ZPBP: variants seen among roughly 807,000 people sequenced by gnomAD.
The protein encoded by ZPBP is zona pellucida binding protein, also known as zona pellucida-binding protein 1.
ZPBP carries 26 observed loss-of-function variants against 44.8 expected under a neutral mutation model. The ratio of observed to expected loss-of-function variants is 0.58; its 90% CI spans 0.43 to 0.81. The LOEUF is 0.81. ZPBP is among the 30% of genes least tolerant of loss of function. ZPBP has a pLI of 0.00. For synonymous variants in ZPBP, 174 were observed against 153.2 expected (o/e 1.14, Z -1.00); for missense variants, 409 against 434.0 (o/e 0.94, Z 0.51).
intron 4 of ZPBP, among the ~76,000 whole-genome samples, chr7:50,049,137 C>T (rs1444150646): frequency 1.3e-5 from 2 of 151,978 alleles, no homozygotes; most frequent in African/African-American, 4.8e-5. Context: ...AACAGACAAT[C>T]TGATTAGACC....
chr7:49,857,710 T>C (rs1323846809), intron 2 of ZPBP, among the ~76,000 whole-genome samples: 2 of 152,042 alleles, frequency 1.3e-5, no homozygotes, highest in African/African-American at 4.8e-5. Flanking sequence ...GAATGCAAAA[T>C]GGTGTAGTCC....
At chr7:49,903,861 ACTT>A (rs1007926898) in intron 1 of ZPBP, among the ~76,000 whole-genome samples, 9 of 152,168 alleles carry the variant, frequency 5.9e-5, no homozygotes, top group Non-Finnish European at 1.3e-4. Context: ...GAGAGAAGGG[ACTT>A]CCAAGAGGAA....
At chr7:49,981,601 A>G (rs1340246483) in intron 7 of ZPBP, among the ~76,000 whole-genome samples, 1 of 23,922 alleles carries the variant, frequency 4.2e-5, no homozygotes, top group African/African-American at 1.8e-4. Flanking sequence ...ATAATTATAT[A>G]AATTATATAA....
At chr7:49,956,475 T>C (rs1795599422) in intron 7 of ZPBP, among the ~76,000 whole-genome samples, 1 of 152,106 alleles carries the variant, frequency 6.6e-6, no homozygotes, top group South Asian at 2.1e-4. Flanking sequence ...GAACAAAAAC[T>C]ATTATGTTTC....
chr7:49,933,089 G>A (rs1171671494), downstream of ZPBP, among the ~76,000 whole-genome samples: 1 of 152,022 alleles, frequency 6.6e-6, no homozygotes, highest in Non-Finnish European at 1.5e-5. Flanking sequence ...TTTTTTTGCT[G>A]AAATGTATGA....
At chr7:49,934,120 T>G (rs1794549154), downstream of ZPBP, among the ~76,000 whole-genome samples, 1 of 151,936 alleles carries the variant, frequency 6.6e-6, no homozygotes, top group Non-Finnish European at 1.5e-5. Flanking sequence ...AGACAGTAAT[T>G]CAACACCATC....
chr7:50,047,584 G>A (rs1800441564), intron 4 of ZPBP, among the ~76,000 whole-genome samples: 1 of 148,826 alleles, frequency 6.7e-6, no homozygotes, highest in Admixed American at 6.8e-5. Flanking sequence ...TGAGATAGGA[G>A]ACTAAAACTA....
chr7:50,022,756 T>C (rs1344171766), intron 5 of ZPBP, among the ~76,000 whole-genome samples: 1 of 151,978 alleles, frequency 6.6e-6, no homozygotes, highest in East Asian at 1.9e-4. Context: ...CTTCCAAAAA[T>C]GTAGAGGCAG....
At chr7:49,984,894 T>C (rs1327385664) in intron 6 of ZPBP, among the ~76,000 whole-genome samples, 1 of 152,192 alleles carries the variant, frequency 6.6e-6, no homozygotes, top group Non-Finnish European at 1.5e-5. Flanking sequence ...CATTTTGTTA[T>C]AATGTTGAAG....
rs141356225 is a variant in ZPBP, at chr7:50,000,573, C to G, written c.784-17054G>C. On this transcript the variant is annotated intron_variant, in intron 6 of 7. Transcript: ENST00000046087. ...AGGTCTCCCTACCTTGCTACCTGTT[C>G]TCCAGTAACTTTGGACTGAAAGCAA... Among the ~76,000 whole-genome samples, 390 of 152,274 alleles carry G rather than the reference C, an allele frequency of 2.6e-3. 2 individuals carry two copies. Among genetic ancestry groups the G allele is most frequent in the African/African-American group, 9.0e-3 (375 of 41,554 alleles).
intron 6 of ZPBP, among the ~76,000 whole-genome samples, chr7:50,006,289 G>A (rs1019294579): frequency 6.6e-6 from 1 of 151,894 alleles, no homozygotes; most frequent in African/African-American, 2.4e-5. Context: ...AAGATGCACA[G>A]AACACTCCAC....
intron 7 of ZPBP, among the ~76,000 whole-genome samples, chr7:49,964,815 G>T (rs983510581): frequency 6.6e-6 from 1 of 152,072 alleles, no homozygotes; most frequent in African/African-American, 2.4e-5. Flanking sequence ...ACCTTCTCTT[G>T]AACATAAGTG....
intron 2 of ZPBP, among the ~76,000 whole-genome samples, chr7:49,857,250 C>G (rs1263590148): frequency 1.3e-5 from 2 of 152,258 alleles, no homozygotes; most frequent in East Asian, 3.9e-4. Flanking sequence ...AGTTTAGCTC[C>G]TCTAGCGACT....
chr7:49,876,822 G>T (rs1185595945), intron 2 of ZPBP, among the ~76,000 whole-genome samples: 1 of 151,912 alleles, frequency 6.6e-6, no homozygotes, highest in Non-Finnish European at 1.5e-5. Context: ...TCGTGGAGTT[G>T]CTTTATTTGC....
intron 2 of ZPBP, among the ~76,000 whole-genome samples, chr7:49,854,081 A>G (rs899523677): frequency 2.3e-4 from 35 of 151,972 alleles, no homozygotes; most frequent in Non-Finnish European, 4.1e-4. Flanking sequence ...TCCATGGTGT[A>G]TATGTGCCAC....
At chr7:49,844,871 T>C in the ZPBP span, among the ~76,000 whole-genome samples, 2 of 152,030 alleles carry the variant, frequency 1.3e-5, no homozygotes. Flanking sequence ...TTTTTGTATT[T>C]TTAGTTTCAC....
At chr7:49,912,682 A>C (rs528031427) in intron 1 of ZPBP, 1 of 152,846 alleles carries the variant, frequency 6.5e-6, no homozygotes, top group South Asian at 2.1e-4. Flanking sequence ...CCCTGTTTAA[A>C]TTCTATTTAA....
At chr7:50,084,378 T>C (rs1308175828) in intron 2 of ZPBP, among the ~76,000 whole-genome samples, 1 of 151,478 alleles carries the variant, frequency 6.6e-6, no homozygotes, top group Non-Finnish European at 1.5e-5. Flanking sequence ...AAAATGGTAT[T>C]TATTACATAC....
At chr7:50,070,593 G>A (rs897802720) in intron 3 of ZPBP, among the ~76,000 whole-genome samples, 3 of 152,302 alleles carry the variant, frequency 2.0e-5, no homozygotes, top group Non-Finnish European at 2.9e-5. Flanking sequence ...GAAATGTAGT[G>A]GAATTGATAA....
Sources: allele counts gnomAD v4.1 joint callset (sites outside exome capture counted in the v4.1 genomes callset), GRCh38; gene constraint gnomAD v4.1.1; transcripts MANE v1.5; gene names NCBI Gene and HGNC (gene_info 2026-07-23, HGNC 2026-07-21).